SPDEF: variants seen among roughly 807,000 people sequenced by gnomAD.
The protein encoded by SPDEF is SAM pointed domain-containing Ets transcription factor.
A neutral mutation model predicts 36.0 loss-of-function variants in SPDEF; 12 were observed. The ratio of observed to expected loss-of-function variants is 0.33; its 90% CI spans 0.21 to 0.54. SPDEF has a LOEUF of 0.54. Ranked by LOEUF, SPDEF falls within the 20% of genes least tolerant of loss-of-function variation. SPDEF has a pLI of 0.93. For synonymous variants in SPDEF, 205 were observed against 193.0 expected (o/e 1.06, Z -0.51); for missense variants, 388 against 456.9 (o/e 0.85, Z 1.37).
At chr6:34,551,696 G>A (rs1336262115) in intron 1 of SPDEF, among the ~76,000 whole-genome samples, 2 of 152,182 alleles carry the variant, frequency 1.3e-5, no homozygotes, top group African/African-American at 4.8e-5. Context: ...TGGAGTTGAT[G>A]TCTGGAGGCT....
chr6:34,538,127 A>G lies in SPDEF; in HGVS notation c.*147T>C. 1 of 808,180 alleles carries G rather than the reference A, an allele frequency of 1.2e-6. No homozygotes were observed. Among genetic ancestry groups the G allele is most frequent in the South Asian group, 1.8e-5 (1 of 54,744 alleles). 50.1% of individuals were successfully genotyped at this position (808,180 alleles called of 1,614,324 possible). On this transcript the variant is annotated 3_prime_UTR_variant, in exon 6 of 6. Coordinates refer to ENST00000374037, the MANE Select transcript of SPDEF (RefSeq NM_012391.3). This position sits in a 1 kb window ranked among gnomAD's most constrained non-coding sequence, Gnocchi z 5.9. ...CAGAGGACCCATATCCCCCTGGGGCAGTTGGTTGCCCCTCCCTGACCTTGG... is the reference window on the plus strand; with the variant it reads ...CAGAGGACCCATATCCCCCTGGGGCGGTTGGTTGCCCCTCCCTGACCTTGG...
At chr6:34,543,953 C>A in intron 2 of SPDEF, 67 bp downstream of exon 2, 1 of 1,529,910 alleles carries the variant, frequency 6.5e-7, no homozygotes, top group Non-Finnish European at 8.9e-7. Flanking sequence ...GTGCCCCGAC[C>A]CACCCCAGCG....
rs908828365 is a variant in SPDEF at position 34,540,232 on chromosome 6, C to T, written c.635-670G>A. 1.2e-4 allele frequency among the ~76,000 whole-genome samples: 18 copies of T among 151,900 alleles called. 1 individual carries two copies. Among genetic ancestry groups the T allele is most frequent in the Admixed American group, 2.0e-4 (3 of 15,248 alleles). Reference sequence around the variant, plus strand: ...GGAGGATCCAATGAAACAGGGAAGTCGAGGCTATAGTGAGCTGTGACTGTG... The same window carrying T: ...GGAGGATCCAATGAAACAGGGAAGTTGAGGCTATAGTGAGCTGTGACTGTG... On this transcript the variant is annotated intron_variant, in intron 3 of 5. Transcript: ENST00000374037.
rs757514343 is a variant in SPDEF at position 34,539,486 on chromosome 6, C to T, written c.682+29G>A. ...CACCCCTCCACCCCACCCGAGCCCC[C>T]GCCTCCACCCTGCCGCTGCCTGGCT... On this transcript the variant is annotated intron_variant, in intron 4 of 5. Transcript: ENST00000374037. The surrounding 1 kb of genome is among the most constrained non-coding windows in gnomAD (Gnocchi z 5.2). 23 of 1,584,862 alleles carry T rather than the reference C, an allele frequency of 1.5e-5. No individual in the cohort carries two copies. The highest frequency in any genetic ancestry group is 3.4e-5 in the South Asian group (3 of 88,148).
Position 34,539,562 on chromosome 6 carries a change from G to T in SPDEF, c.635C>A (p.Ala212Glu). 6.4e-7 allele frequency: 1 copy of T among 1,568,046 alleles called. No individual in the cohort carries two copies. The highest frequency in any genetic ancestry group is 2.4e-5 in the East Asian group (1 of 42,216). ...LHAHLDIWKS[A>E]AWMKERTSPG... ...TGAAGTCCGCTCTTTCATCCAGGCC[G>T]CTGCAGGGCAAGGAGAGGGGGTTGG... Residue 212 changes from alanine to glutamate, a missense_variant and splice_region_variant, in exon 4 of 6, where the codon GCG (alanine) becomes GAG (glutamate). By Grantham distance (107) the Ala-to-Glu change is moderately radical (BLOSUM62 -1). Coordinates refer to ENST00000374037, the MANE Select transcript of SPDEF (RefSeq NM_012391.3). The surrounding 1 kb of genome is among the most constrained non-coding windows in gnomAD (Gnocchi z 5.2).
At chr6:34,553,062 G>T (rs1005227970) in intron 1 of SPDEF, among the ~76,000 whole-genome samples, 7 of 152,148 alleles carry the variant, frequency 4.6e-5, no homozygotes, top group Non-Finnish European at 2.9e-5. Context: ...AGAAGGAGGG[G>T]GGTCTTTATC....
chr6:34,546,011 C>A lies in SPDEF; in HGVS notation c.-29-1527G>T, dbSNP rs80287747. Among the ~76,000 whole-genome samples the A allele has an allele frequency of 2.1e-3, 313 of 152,038 alleles. 13 individuals are homozygous for A. In the East Asian group the frequency reaches 0.053, roughly 26 times the overall value. ...TATACGCTCCTAATAATACAGAGAA[C>A]CAGTTAGGGAGGAGGAAAGGAACAG... On this transcript the variant is annotated intron_variant, in intron 1 of 5. Transcript: ENST00000374037.
chr6:34,544,095 G>T lies in SPDEF; in HGVS notation c.361C>A (p.Gln121Lys), dbSNP rs1222066456. ...TCGCCCACCACCATGGACTGCACCT[G>T]CTCCAGCGAGTGCTCCTCCAAGGTC... Reference protein sequence around the residue: ...GLTLEEHSLEQVQSMVVGEVL... With the variant: ...GLTLEEHSLEKVQSMVVGEVL... Residue 121 changes from glutamine to lysine, a missense_variant, in exon 2 of 6, where the codon CAG (glutamine) becomes AAG (lysine). Gln to Lys is a moderately conservative substitution (Grantham distance 53). Around this residue, in one of 2 missense-constraint regions of SPDEF, gnomAD observed 308 missense variants for 326.1 expected, o/e 0.94. Transcript: ENST00000374037. This position sits in a 1 kb window ranked among gnomAD's most constrained non-coding sequence, Gnocchi z 4.4. 1 of 1,613,436 alleles carries T rather than the reference G, an allele frequency of 6.2e-7. No individual in the cohort carries two copies. Among genetic ancestry groups the T allele is most frequent in the Non-Finnish European group, 8.5e-7 (1 of 1,179,862 alleles).
rs1489040392 is a variant in SPDEF, at chr6:34,539,580, G to A, written c.635-18C>T. 6.4e-7 allele frequency: 1 copy of A among 1,561,608 alleles called. No homozygotes were observed. The highest frequency in any genetic ancestry group is 8.7e-7 in the Non-Finnish European group (1 of 1,153,660). On this transcript the variant is annotated intron_variant, in intron 3 of 5. Coordinates refer to ENST00000374037, the MANE Select transcript of SPDEF (RefSeq NM_012391.3). The surrounding 1 kb of genome is among the most constrained non-coding windows in gnomAD (Gnocchi z 5.2). ...CCAGGCCGCTGCAGGGCAAGGAGAG[G>A]GGGTTGGGGACCCAGGAGAGGCCCC...
At chr6:34,541,221 G>C (rs773106130) in intron 2 of SPDEF, 40 bp from the exon 3 acceptor site, 9 of 1,541,624 alleles carry the variant, frequency 5.8e-6, no homozygotes, top group South Asian at 3.5e-5. Context: ...GGTGGCCTGA[G>C]AGCACCACCC....
At chr6:34,547,407 G>A (rs367677120) in intron 1 of SPDEF, among the ~76,000 whole-genome samples, 2 of 152,098 alleles carry the variant, frequency 1.3e-5, no homozygotes, top group Non-Finnish European at 2.9e-5. Flanking sequence ...ATAAGGTCTC[G>A]CTCTGTCGAG....
In SPDEF at chr6:34,538,495, G is replaced by T; in HGVS notation, c.830-43C>A. ...CGAGAGAGCCAGTGGTATGAGTGAG[G>T]TGGCAAGAAGGAGAAAGACGCAGAC... is the stretch of plus-strand genomic sequence containing the variant. On this transcript the variant is annotated intron_variant, in intron 5 of 5. Coordinates refer to ENST00000374037, the MANE Select transcript of SPDEF (RefSeq NM_012391.3). The surrounding 1 kb of genome is among the most constrained non-coding windows in gnomAD (Gnocchi z 5.9). The T allele has an allele frequency of 1.3e-6, 2 of 1,563,710 alleles. No homozygotes were observed. Among genetic ancestry groups the T allele is most frequent in the Non-Finnish European group, 1.7e-6 (2 of 1,150,832 alleles).
rs183818504 is a variant in SPDEF, at chr6:34,552,831, C to T, written c.-30+3098G>A. ...TGGGTTATTAAGGGGTTATCAGGAC[C>T]GGTTCCCACCTGTGAAGTGTCAGCA... On this transcript the variant is annotated intron_variant, in intron 1 of 5. Coordinates refer to ENST00000374037, the MANE Select transcript of SPDEF (RefSeq NM_012391.3). This position sits in a 1 kb window ranked among gnomAD's most constrained non-coding sequence, Gnocchi z 4.6. Among the ~76,000 whole-genome samples the T allele has an allele frequency of 1.6e-4, 24 of 152,196 alleles. No homozygotes were observed. Among genetic ancestry groups the T allele is most frequent in the Non-Finnish European group, 3.1e-4 (21 of 68,012 alleles).
At position 34,550,152 on chromosome 6, in the gene SPDEF, C is replaced by T. The variant is rs372295592; in HGVS notation, c.-29-5668G>A. 9.8e-5 allele frequency among the ~76,000 whole-genome samples: 15 copies of T among 152,330 alleles called. No individual in the cohort carries two copies. The East Asian group carries it at 2.9e-3, about 29-fold the overall frequency. ...TGTCTGGCTTCTCCAAACACCCTGA[C>T]CCCTGCCCTGCCCCATCCCCTTGGG... On this transcript the variant is annotated intron_variant, in intron 1 of 5. Coordinates refer to ENST00000374037, the MANE Select transcript of SPDEF (RefSeq NM_012391.3).
At chr6:34,546,433 C>G (rs1767955220) in intron 1 of SPDEF, among the ~76,000 whole-genome samples, 1 of 152,076 alleles carries the variant, frequency 6.6e-6, no homozygotes, top group South Asian at 2.1e-4. Flanking sequence ...ACCCGCGCAG[C>G]CTCCGTATGC....
Position 34,551,128 on chromosome 6 carries a change from G to T in SPDEF, c.-30+4801C>A, listed in dbSNP as rs558958225. On this transcript the variant is annotated intron_variant, in intron 1 of 5. Transcript: ENST00000374037. ...GAGCAGGGACTCGAACTCAAGACTC[G>T]GCTCCACCCTCCTTTCTGCTGGTGC... is the stretch of plus-strand genomic sequence containing the variant. 5.3e-5 allele frequency among the ~76,000 whole-genome samples: 8 copies of T among 152,290 alleles called. No homozygotes were observed. The South Asian group carries it at 1.5e-3, about 28-fold the overall frequency.
chr6:34,538,937 C>CT lies in SPDEF; in HGVS notation c.829+312dup, dbSNP rs1209403588. On this transcript the variant is annotated intron_variant, in intron 5 of 5. Transcript: ENST00000374037. This position sits in a 1 kb window ranked among gnomAD's most constrained non-coding sequence, Gnocchi z 5.9. ...CTTTGCTATTCTCAGGCAGTTCGGC[C>CT]TGTGCAGCCCTCTCTGGCAGGATTA... Among the ~76,000 whole-genome samples the CT allele has an allele frequency of 1.3e-5, 2 of 152,192 alleles. No homozygotes were observed. The highest frequency in any genetic ancestry group is 2.9e-5 in the Non-Finnish European group (2 of 68,028).
rs886262844 is a variant in SPDEF at position 34,538,397 on chromosome 6, C to T, written c.885G>A (p.Lys295=). ...AQVARLWGIR[K]NRPAMNYDKL... is the part of the protein sequence containing the mutation. Reference sequence around the variant, plus strand: ...TGTCGTAGTTCATGGCGGGACGGTTCTTGCGGATGCCCCACAGCCGGGCCA... The same window carrying T: ...TGTCGTAGTTCATGGCGGGACGGTTTTTGCGGATGCCCCACAGCCGGGCCA... The change falls in exon 6 of 6, where the codon AAG becomes AAA. Residue 295 remains lysine (K), a synonymous_variant. Transcript: ENST00000374037. This position sits in a 1 kb window ranked among gnomAD's most constrained non-coding sequence, Gnocchi z 5.9. The T allele has an allele frequency of 5.0e-6, 8 of 1,614,036 alleles. No homozygotes were observed. The highest frequency in any genetic ancestry group is 2.2e-5 in the South Asian group (2 of 91,076).
In SPDEF at chr6:34,539,593, C is replaced by A. The variant is rs749781213; in HGVS notation, c.635-31G>T. 1 of 1,555,950 alleles carries A rather than the reference C, an allele frequency of 6.4e-7. No homozygotes were observed. Among genetic ancestry groups the A allele is most frequent in the East Asian group, 2.4e-5 (1 of 41,458 alleles). Reference sequence around the variant, plus strand: ...GGGCAAGGAGAGGGGGTTGGGGACCCAGGAGAGGCCCCGAGGGTGGAGGAG... The same window carrying A: ...GGGCAAGGAGAGGGGGTTGGGGACCAAGGAGAGGCCCCGAGGGTGGAGGAG... On this transcript the variant is annotated intron_variant, in intron 3 of 5. Coordinates refer to ENST00000374037, the MANE Select transcript of SPDEF (RefSeq NM_012391.3). This position sits in a 1 kb window ranked among gnomAD's most constrained non-coding sequence, Gnocchi z 5.2.
Sources: allele counts gnomAD v4.1 joint callset (sites outside exome capture counted in the v4.1 genomes callset), GRCh38; gene constraint gnomAD v4.1.1; regional missense constraint gnomAD v4.1.1; non-coding constraint Gnocchi (gnomAD v3.1); transcripts MANE v1.5; gene names NCBI Gene and HGNC (gene_info 2026-07-23, HGNC 2026-07-21).